The following LRRC69 variants were observed in gnomAD, a reference collection of about 807,000 sequenced individuals.
LRRC69 encodes leucine rich repeat containing 69.
Under a neutral mutation model 37.8 loss-of-function variants are expected in LRRC69, and 42 were observed. The ratio of observed to expected loss-of-function variants is 1.11; its 90% CI spans 0.87 to 1.44. The LOEUF (loss-of-function observed/expected upper bound fraction) is 1.44, where lower values mean the gene tolerates loss of function less well. LRRC69 is among the 40% of genes most tolerant of loss of function. LRRC69 has a pLI of 0.00. For synonymous variants in LRRC69, 141 were observed against 143.1 expected (o/e 0.99, Z 0.11); for missense variants, 357 against 401.9 (o/e 0.89, Z 0.96).
In LRRC69 at chr8:91,202,098, T is replaced by C. The variant is rs533877713; in HGVS notation, c.933+1306T>C. Among the ~76,000 whole-genome samples, 3 of 152,114 alleles carry C rather than the reference T, an allele frequency of 2.0e-5. No individual in the cohort carries two copies. In the East Asian group the frequency reaches 5.8e-4, roughly 29 times the overall value. On this transcript the variant is annotated intron_variant, in intron 7 of 7. Coordinates refer to ENST00000448384, the Ensembl canonical transcript of LRRC69. Reference sequence around the variant, plus strand: ...ATGGGCGCCTGTAATCCCAGCTTCTTGGGAGACTGAGACAGGAGAATCACT... The same window carrying C: ...ATGGGCGCCTGTAATCCCAGCTTCTCGGGAGACTGAGACAGGAGAATCACT...
chr8:91,111,388 G>A (rs1294934785), intron 1 of LRRC69, among the ~76,000 whole-genome samples: 1 of 151,896 alleles, frequency 6.6e-6, no homozygotes, highest in African/African-American at 2.4e-5. Flanking sequence ...CAAAAAATTA[G>A]TTGGGCACAG....
At chr8:91,160,409 C>G (rs1808918710) in intron 5 of LRRC69, among the ~76,000 whole-genome samples, 1 of 150,740 alleles carries the variant, frequency 6.6e-6, no homozygotes, top group African/African-American at 2.4e-5. Flanking sequence ...TAATTACTCT[C>G]TTAGGAACTC....
chr8:91,130,190 G>A (rs1183804367), intron 3 of LRRC69: 1 of 151,904 alleles, frequency 6.6e-6, no homozygotes, highest in Non-Finnish European at 1.5e-5. Context: ...ACATTTTTGT[G>A]TCTGTCTTCT....
At chr8:91,200,901 G>T (rs1809702081) in intron 7 of LRRC69, 109 bp downstream of exon 7, 1 of 1,009,594 alleles carries the variant, frequency 9.9e-7, no homozygotes, top group East Asian at 3.2e-5. Flanking sequence ...TGGCTTATAG[G>T]ATAGTATACT....
chr8:91,196,409 A>T (rs1809601784), intron 6 of LRRC69, among the ~76,000 whole-genome samples: 1 of 151,678 alleles, frequency 6.6e-6, no homozygotes, highest in Non-Finnish European at 1.5e-5. Context: ...TAGATTGGGG[A>T]AGTTCTCCTG....
exon 1 of LRRC69, chr8:91,102,664 G>C: frequency 6.5e-7 from 1 of 1,549,456 alleles, no homozygotes; most frequent in Non-Finnish European, 8.7e-7. Flanking sequence ...CCAAGATCAT[G>C]ACTGAGAGAT....
rs768695164 is a variant in LRRC69 at position 91,135,661 on chromosome 8, G to C, written c.580-7G>C. 1.0e-5 allele frequency: 15 copies of C among 1,439,508 alleles called. No homozygotes were observed. Among genetic ancestry groups the C allele is most frequent in the Non-Finnish European group, 1.4e-5 (15 of 1,087,770 alleles). 89.2% of individuals were successfully genotyped at this position (1,439,508 alleles called of 1,614,324 possible). A position where few individuals can be genotyped will look rare whatever the true frequency, so the allele number is the denominator to read the frequency against. On this transcript the variant is annotated splice_polypyrimidine_tract_variant and splice_region_variant and intron_variant, in intron 4 of 7. Coordinates refer to ENST00000448384, the Ensembl canonical transcript of LRRC69. Reference sequence around the variant, plus strand: ...AAAAAATCTCTCTCTTCTGTTTTCTGACACAGGAACTTTGTGATCTTAAAA... The same window carrying C: ...AAAAAATCTCTCTCTTCTGTTTTCTCACACAGGAACTTTGTGATCTTAAAA...
At chr8:91,216,535 T>C (rs2130655615) in intron 7 of LRRC69, among the ~76,000 whole-genome samples, 1 of 152,236 alleles carries the variant, frequency 6.6e-6, no homozygotes, top group Non-Finnish European at 1.5e-5. Context: ...CTGAGGAAAA[T>C]GTATGTAGCA....
At chr8:91,185,513 A>G (rs1809393862) in intron 5 of LRRC69, among the ~76,000 whole-genome samples, 1 of 152,150 alleles carries the variant, frequency 6.6e-6, no homozygotes, top group Admixed American at 6.5e-5. Context: ...ACTCTAGGTC[A>G]CTTTCTGACT....
chr8:91,106,439 C>A (rs1205953971), intron 1 of LRRC69, among the ~76,000 whole-genome samples: 2 of 151,950 alleles, frequency 1.3e-5, no homozygotes, highest in Non-Finnish European at 2.9e-5. Flanking sequence ...TTTTAAATTT[C>A]TGTACTCATA....
At chr8:91,162,843 G>C (rs1808969168) in intron 5 of LRRC69, among the ~76,000 whole-genome samples, 1 of 151,008 alleles carries the variant, frequency 6.6e-6, no homozygotes, top group Non-Finnish European at 1.5e-5. Context: ...TTTAGTTCTA[G>C]ATATGTTCTC....
chr8:91,219,177 T>G (rs916726053), downstream of LRRC69: 7 of 391,072 alleles, frequency 1.8e-5, no homozygotes, highest in Non-Finnish European at 2.3e-5. Flanking sequence ...GCCTTCAGCT[T>G]GCTTAGATTC....
chr8:91,142,536 G>A (rs980496096), intron 5 of LRRC69, among the ~76,000 whole-genome samples: 14 of 152,016 alleles, frequency 9.2e-5, no homozygotes, highest in African/African-American at 3.1e-4. Flanking sequence ...CCGCAGCAGT[G>A]ACCCTCAAAC....
rs534533793 is a variant in LRRC69, at chr8:91,147,570, T to C, written c.651+11831T>C. On this transcript the variant is annotated intron_variant, in intron 5 of 7. Transcript: ENST00000448384. ...CAGGCATGTGCCACTTTGCCCAGCC[T>C]GCTGTGTATATTTAATTTGTTCTAC... Among the ~76,000 whole-genome samples, 3 of 151,778 alleles carry C rather than the reference T, an allele frequency of 2.0e-5. No individual in the cohort carries two copies. In the East Asian group the frequency reaches 5.8e-4, roughly 29 times the overall value.
intron 7 of LRRC69, among the ~76,000 whole-genome samples, 163 bp downstream of exon 7, chr8:91,200,955 C>G (rs1809703024): frequency 6.6e-6 from 1 of 152,120 alleles, no homozygotes; most frequent in Non-Finnish European, 1.5e-5. Flanking sequence ...CGGTAATAAT[C>G]ATCATCACCC....
At chr8:91,189,498 A>T in intron 5 of LRRC69, 24 bp from the exon 6 acceptor site, 1 of 1,440,780 alleles carries the variant, frequency 6.9e-7, no homozygotes, top group Non-Finnish European at 9.5e-7. Context: ...GTTGTGCAAT[A>T]AGGTTTTTAT....
At chr8:91,147,672 C>T (rs1018603972) in intron 5 of LRRC69, among the ~76,000 whole-genome samples, 50 of 151,768 alleles carry the variant, frequency 3.3e-4, no homozygotes, top group African/African-American at 1.1e-3. Flanking sequence ...AAAAATCTTA[C>T]GAAGTTTTAT....
chr8:91,157,477 C>T (rs1190885711), intron 5 of LRRC69: 2 of 1,598,256 alleles, frequency 1.3e-6, no homozygotes, highest in East Asian at 2.2e-5. Flanking sequence ...AGGAAGTTTA[C>T]ATGCAAATTG....
At chr8:91,205,452 A>G (rs554344699) in intron 7 of LRRC69, 1 of 152,290 alleles carries the variant, frequency 6.6e-6, no homozygotes, top group African/African-American at 2.4e-5. Context: ...ACATCACCTG[A>G]TGCCAGGTAT....
Sources: allele counts gnomAD v4.1 joint callset (sites outside exome capture counted in the v4.1 genomes callset), GRCh38; gene constraint gnomAD v4.1.1; transcripts MANE v1.5; gene names NCBI Gene and HGNC (gene_info 2026-07-23, HGNC 2026-07-21).